The following LRRC4C variants were observed in gnomAD, a reference collection of about 807,000 sequenced individuals.
LRRC4C encodes the protein leucine-rich repeat-containing protein 4C.
Under a neutral mutation model 33.6 loss-of-function variants are expected in LRRC4C, and 5 were observed. The ratio of observed to expected loss-of-function variants is 0.15; its 90% CI spans 0.08 to 0.31. The LOEUF (loss-of-function observed/expected upper bound fraction) is 0.31, where lower values mean the gene tolerates loss of function less well. Ranked by LOEUF, LRRC4C falls within the 10% of genes least tolerant of loss-of-function variation. The pLI, the probability that LRRC4C is intolerant of heterozygous loss-of-function variation, is 1.00. For synonymous variants in LRRC4C, 329 were observed against 302.0 expected (o/e 1.09, Z -0.93); for missense variants, 560 against 796.7 (o/e 0.70, Z 3.58).
intron 2 of LRRC4C, among the ~76,000 whole-genome samples, chr11:40,796,839 GTC>G (rs1427536229): frequency 6.6e-6 from 1 of 151,884 alleles, no homozygotes; most frequent in African/African-American, 2.4e-5. Context: ...TAGAGATGGA[GTC>G]TCACCCTGTT....
At position 40,115,062 on chromosome 11, in the gene LRRC4C, A is replaced by T. The variant is rs1855322241; in HGVS notation, c.1231T>A (p.Leu411Ile). 6.2e-7 allele frequency: 1 copy of T among 1,614,206 alleles called. No homozygotes were observed. Among genetic ancestry groups the T allele is most frequent in the African/African-American group, 1.3e-5 (1 of 75,060 alleles). The part of the protein sequence containing the change: ...VRIAVLSDGT[L>I]NFTNVTVQDT... ...TGCACAGTTACATTTGTGAAATTTA[A>T]CGTACCATCACTGAGCACAGCTATC... The change falls in exon 7 of 7, where the codon TTA (leucine) becomes ATA (isoleucine). Residue 411 changes from leucine to isoleucine, a missense_variant. Physicochemically the swap from Leu to Ile is conservative, Grantham distance 5. Coordinates refer to ENST00000528697, the MANE Select transcript of LRRC4C (RefSeq NM_001258419.2). The surrounding 1 kb of genome is among the most constrained non-coding windows in gnomAD (Gnocchi z 6.7).
chr11:40,335,813 G>A (rs1216258405), intron 3 of LRRC4C, among the ~76,000 whole-genome samples: 1 of 152,212 alleles, frequency 6.6e-6, no homozygotes, highest in African/African-American at 2.4e-5. Flanking sequence ...ACGCAGGTAA[G>A]TAAGTAACGC....
chr11:41,193,531 G>T (rs529335656), intron 1 of LRRC4C, among the ~76,000 whole-genome samples: 1 of 152,274 alleles, frequency 6.6e-6, no homozygotes, highest in East Asian at 1.9e-4. Context: ...TCTTGTTGGA[G>T]AAACTGTCTC....
chr11:41,097,788 C>A (rs1445604858), intron 1 of LRRC4C, among the ~76,000 whole-genome samples: 4 of 152,084 alleles, frequency 2.6e-5, no homozygotes, highest in African/African-American at 9.7e-5. Flanking sequence ...ATGGCTTGAA[C>A]AAAGGACTTA....
At chr11:41,007,537 T>C (rs1157440784) in intron 1 of LRRC4C, among the ~76,000 whole-genome samples, 6 of 152,088 alleles carry the variant, frequency 3.9e-5, no homozygotes. Context: ...ATTTCTCCTA[T>C]AGATGAACAC....
At chr11:41,317,528 G>A (rs10837632) in intron 1 of LRRC4C, among the ~76,000 whole-genome samples, 24,528 of 151,792 alleles carry the variant, frequency 0.16, 2,389 homozygotes, top group East Asian at 0.45. Flanking sequence ...TTACATCCAC[G>A]TTCCATACCC....
intron 3 of LRRC4C, among the ~76,000 whole-genome samples, chr11:40,353,517 G>C (rs1188343516): frequency 6.6e-6 from 1 of 152,004 alleles, no homozygotes; most frequent in Non-Finnish European, 1.5e-5. Context: ...AAAAGTTTGA[G>C]ACCATCCTGG....
intron 2 of LRRC4C, among the ~76,000 whole-genome samples, chr11:40,731,776 A>G (rs1368290796): frequency 6.6e-6 from 1 of 152,178 alleles, no homozygotes; most frequent in Non-Finnish European, 1.5e-5. Flanking sequence ...GGGGAAGAAA[A>G]TGCCATCTCA....
At chr11:40,865,064 T>G (rs1442958048) in intron 2 of LRRC4C, among the ~76,000 whole-genome samples, 2 of 152,182 alleles carry the variant, frequency 1.3e-5, no homozygotes, top group Non-Finnish European at 2.9e-5. Context: ...GCAATAAACA[T>G]GAGAGTGCAG....
intron 3 of LRRC4C, among the ~76,000 whole-genome samples, chr11:40,473,663 G>A (rs1953058758): frequency 6.6e-6 from 1 of 152,134 alleles, no homozygotes; most frequent in African/African-American, 2.4e-5. Flanking sequence ...AAATCAAATT[G>A]TCTCTGTTTA....
At chr11:40,332,694 C>T (rs1946416588) in intron 3 of LRRC4C, among the ~76,000 whole-genome samples, 1 of 152,182 alleles carries the variant, frequency 6.6e-6, no homozygotes, top group Non-Finnish European at 1.5e-5. Context: ...AGCTAAAGCA[C>T]ATTTAACTCT....
chr11:41,241,339 C>T (rs773343646), intron 1 of LRRC4C, among the ~76,000 whole-genome samples: 1 of 152,124 alleles, frequency 6.6e-6, no homozygotes, highest in Non-Finnish European at 1.5e-5. Context: ...GAAGCAGTAA[C>T]CCTTTCCAAC....
chr11:40,553,595 T>C (rs1056775150), intron 3 of LRRC4C, among the ~76,000 whole-genome samples: 7 of 152,144 alleles, frequency 4.6e-5, no homozygotes, highest in Non-Finnish European at 1.5e-5. Flanking sequence ...CAGTTATTTT[T>C]GGACTTTTTA....
chr11:40,480,088 A>G (rs1953467022), intron 3 of LRRC4C, among the ~76,000 whole-genome samples: 1 of 152,158 alleles, frequency 6.6e-6, no homozygotes, highest in African/African-American at 2.4e-5. Flanking sequence ...CTGAAGTACC[A>G]TAAGGAAAGC....
chr11:40,950,872 C>A (rs1958662045), intron 1 of LRRC4C, among the ~76,000 whole-genome samples: 1 of 151,074 alleles, frequency 6.6e-6, no homozygotes. Flanking sequence ...ATGTAATTTT[C>A]CAACTTGCTT....
chr11:40,832,920 G>A (rs1952484938), intron 2 of LRRC4C, among the ~76,000 whole-genome samples: 1 of 152,076 alleles, frequency 6.6e-6, no homozygotes, highest in South Asian at 2.1e-4. Context: ...GTGTGTTTTG[G>A]TTGTAGATAG....
intron 3 of LRRC4C, among the ~76,000 whole-genome samples, chr11:40,505,410 G>C (rs1310106804): frequency 2.0e-5 from 3 of 152,098 alleles, no homozygotes. Flanking sequence ...GCCCTTTTCT[G>C]CTCAGGTCTT....
chr11:40,389,437 T>C (rs1321817248), intron 3 of LRRC4C, among the ~76,000 whole-genome samples: 4 of 150,982 alleles, frequency 2.6e-5, no homozygotes, highest in East Asian at 3.9e-4. Flanking sequence ...TTGTTACGTA[T>C]CCAATGCTTC....
intron 1 of LRRC4C, among the ~76,000 whole-genome samples, chr11:41,418,317 C>T (rs936930200): frequency 6.6e-6 from 1 of 151,932 alleles, no homozygotes; most frequent in Admixed American, 6.6e-5. Context: ...AAATATTACC[C>T]CTACACTTAA....
Sources: gnomAD v4.1 joint callset for allele counts (sites outside exome capture counted in the v4.1 genomes callset) on GRCh38, gnomAD v4.1.1 for gene constraint, Gnocchi (gnomAD v3.1) non-coding constraint, MANE v1.5 for transcripts, NCBI Gene and HGNC (gene_info 2026-07-23, HGNC 2026-07-21) for gene names.